Variants in PDE6C observed in about 807,000 individuals in gnomAD.
PDE6C encodes cone cGMP-specific 3',5'-cyclic phosphodiesterase subunit alpha'.
A neutral mutation model predicts 113.1 loss-of-function variants in PDE6C; 75 were observed. That is an observed-to-expected ratio of 0.66 (90% CI 0.55 to 0.80). The LOEUF is 0.80. Ranked by LOEUF, PDE6C falls within the 30% of genes least tolerant of loss-of-function variation. The pLI is 0.00. For synonymous variants in PDE6C, 375 were observed against 363.7 expected (o/e 1.03, Z -0.35); for missense variants, 912 against 1,038.6 (o/e 0.88, Z 1.67).
chr10:93,640,860 G>T, intron 13 of PDE6C, 60 bp from the exon 14 acceptor site: 3 of 1,085,450 alleles, frequency 2.8e-6, no homozygotes, highest in Non-Finnish European at 4.2e-6. Flanking sequence ...GCTGCACTTG[G>T]TATAGAGGTA....
In PDE6C at chr10:93,665,678, T is replaced by C; in HGVS notation, c.*260T>C. ...AAAAAATATGCAATCCTGAAACTAG[T>C]CACAAATTCTTTTTTAAAACATTAA... On this transcript the variant is annotated 3_prime_UTR_variant, in exon 22 of 22. Transcript: ENST00000371447. 2.1e-6 allele frequency: 1 copy of C among 474,378 alleles called. No individual in the cohort carries two copies. Among genetic ancestry groups the C allele is most frequent in the Non-Finnish European group, 3.8e-6 (1 of 262,988 alleles). The allele number at this position is 474,378 out of a possible 1,614,324, so 29.4% of individuals were successfully genotyped here. A position where few individuals can be genotyped will look rare whatever the true frequency, so the allele number is the denominator to read the frequency against.
In PDE6C at chr10:93,612,964, T is replaced by C; in HGVS notation, c.239T>C (p.Val80Ala). Residue 80 changes from valine to alanine, a missense_variant, in exon 1 of 22, where the codon GTT (valine) becomes GCT (alanine). Val to Ala is a moderately conservative substitution (Grantham distance 64, BLOSUM62 0). Coordinates refer to ENST00000371447, the MANE Select transcript of PDE6C (RefSeq NM_006204.4). ...QEEGGTPEQG[V>A]HRALQRLAHL... ...GAGGGGGGCACCCCAGAGCAGGGGG[T>C]TCACAGGGCCCTGCAGAGGCTGGCC... 6.2e-7 allele frequency: 1 copy of C among 1,613,710 alleles called. No homozygotes were observed. The highest frequency in any genetic ancestry group is 8.5e-7 in the Non-Finnish European group (1 of 1,179,884).
intron 8 of PDE6C, 77 bp from the exon 9 acceptor site, chr10:93,634,681 T>G (rs534848777): frequency 2.7e-6 from 4 of 1,475,490 alleles, no homozygotes; most frequent in Non-Finnish European, 1.9e-6. Context: ...ACATTTCTTT[T>G]GTAATATCCT....
intron 15 of PDE6C, among the ~76,000 whole-genome samples, chr10:93,652,831 T>C (rs980728695): frequency 4.6e-5 from 7 of 152,330 alleles, no homozygotes; most frequent in African/African-American, 1.2e-4. Flanking sequence ...GTAGATTATA[T>C]ACTCTGCACA....
At chr10:93,652,230 C>T (rs1442682204) in intron 15 of PDE6C, among the ~76,000 whole-genome samples, 1 of 152,140 alleles carries the variant, frequency 6.6e-6, no homozygotes, top group Non-Finnish European at 1.5e-5. Flanking sequence ...GTTTATCAGA[C>T]ACAGGCCACA....
At chr10:93,628,742 G>A (rs2058486249) in intron 7 of PDE6C, among the ~76,000 whole-genome samples, 1 of 152,130 alleles carries the variant, frequency 6.6e-6, no homozygotes, top group African/African-American at 2.4e-5. Context: ...TTATAGATGT[G>A]AGCAATAGTC....
At chr10:93,640,636 C>A in intron 13 of PDE6C, 79 bp downstream of exon 13, 1 of 1,013,572 alleles carries the variant, frequency 9.9e-7, no homozygotes, top group South Asian at 1.3e-5. Context: ...TATGGTCCAT[C>A]ATTTTAGATC....
chr10:93,661,314 T>C (rs2058664796), intron 18 of PDE6C, among the ~76,000 whole-genome samples: 1 of 152,220 alleles, frequency 6.6e-6, no homozygotes, highest in Non-Finnish European at 1.5e-5. Context: ...TTCCATTTTA[T>C]CTCGGCAAAT....
At chr10:93,621,753 A>G (rs960939060) in intron 3 of PDE6C, among the ~76,000 whole-genome samples, 179 bp from the exon 4 acceptor site, 15 of 152,216 alleles carry the variant, frequency 9.9e-5, no homozygotes, top group African/African-American at 3.4e-4. Context: ...TCTACTCATC[A>G]TCTCACCTAG....
In PDE6C at chr10:93,659,199, A is replaced by G. The variant is rs200229503; in HGVS notation, c.2208+32A>G. ...CCAGTTAAGTTTTCTTTTCTGTCAC[A>G]CTGTCAGGTACTGCCTAGGTCCCAT... On this transcript the variant is annotated intron_variant, in intron 18 of 21. Transcript: ENST00000371447. 3.4e-4 allele frequency: 468 copies of G among 1,367,098 alleles called. 3 individuals carry two copies. The East Asian group carries it at 0.01, about 30-fold the overall frequency. 84.7% of individuals were successfully genotyped at this position (1,367,098 alleles called of 1,614,324 possible).
intron 1 of PDE6C, among the ~76,000 whole-genome samples, chr10:93,614,041 C>G (rs755512143): frequency 1.1e-4 from 16 of 152,230 alleles, no homozygotes; most frequent in African/African-American, 2.4e-4. Flanking sequence ...AATCACCCAT[C>G]ATCCCTCCCC....
chr10:93,631,180 C>G (rs935797830), intron 8 of PDE6C, among the ~76,000 whole-genome samples: 3 of 152,216 alleles, frequency 2.0e-5, no homozygotes, highest in Admixed American at 1.3e-4. Context: ...TGGGGAGTCC[C>G]CAGTGTGGGA....
intron 14 of PDE6C, among the ~76,000 whole-genome samples, chr10:93,643,907 A>G (rs1163699834): frequency 6.6e-6 from 1 of 152,112 alleles, no homozygotes; most frequent in African/African-American, 2.4e-5. Flanking sequence ...AATGTCCTTT[A>G]TAGCTATTTT....
In PDE6C at chr10:93,649,691, G is replaced by A. The variant is rs548751015; in HGVS notation, c.1935+3644G>A. Among the ~76,000 whole-genome samples, 14 of 152,200 alleles carry A rather than the reference G, an allele frequency of 9.2e-5. No homozygotes were observed. The East Asian group carries it at 2.3e-3, about 25-fold the overall frequency. On this transcript the variant is annotated intron_variant, in intron 15 of 21. Transcript: ENST00000371447. ...GTGATCTCAACTCACTGCAACCTCCGCCTCCTGGGTTCAAGAGATTCTCAC... is the reference window on the plus strand; with the variant it reads ...GTGATCTCAACTCACTGCAACCTCCACCTCCTGGGTTCAAGAGATTCTCAC...
At chr10:93,615,999 C>T (rs553809428) in intron 1 of PDE6C, among the ~76,000 whole-genome samples, 6 of 152,298 alleles carry the variant, frequency 3.9e-5, no homozygotes, top group Non-Finnish European at 7.4e-5. Flanking sequence ...GTTTCACTTG[C>T]TTTAGCCGCT....
chr10:93,648,048 A>G (rs909633331), intron 15 of PDE6C, among the ~76,000 whole-genome samples: 2 of 152,224 alleles, frequency 1.3e-5, no homozygotes, highest in African/African-American at 2.4e-5. Context: ...GTCACCTACT[A>G]AAACAAAATA....
chr10:93,641,107 C>T (rs1400818554), intron 14 of PDE6C, 78 bp downstream of exon 14: 2 of 874,498 alleles, frequency 2.3e-6, no homozygotes, highest in Non-Finnish European at 3.9e-6. Flanking sequence ...ACGCTTCTCC[C>T]TATTCCTTGG....
At chr10:93,644,484 A>T (rs1270789132) in intron 14 of PDE6C, among the ~76,000 whole-genome samples, 2 of 152,074 alleles carry the variant, frequency 1.3e-5, no homozygotes, top group Admixed American at 1.3e-4. Flanking sequence ...CATTCATATG[A>T]TGTGCAATAG....
intron 4 of PDE6C, among the ~76,000 whole-genome samples, chr10:93,624,365 A>T (rs1457045493): frequency 6.6e-6 from 1 of 152,030 alleles, no homozygotes; most frequent in Admixed American, 6.6e-5. Flanking sequence ...CTCATGCCTC[A>T]GTAGCTGGGA....
Sources: gnomAD v4.1 joint callset for allele counts (sites outside exome capture counted in the v4.1 genomes callset) on GRCh38, gnomAD v4.1.1 for gene constraint, MANE v1.5 for transcripts, NCBI Gene and HGNC (gene_info 2026-07-23, HGNC 2026-07-21) for gene names.